The following TRAPPC8 variants were observed in gnomAD, a reference collection of about 807,000 sequenced individuals.
TRAPPC8 encodes general sporulation gene 1 homolog.
TRAPPC8 carries 54 observed loss-of-function variants against 174.3 expected under a neutral mutation model. The ratio of observed to expected loss-of-function variants is 0.31; its 90% CI spans 0.25 to 0.39. The LOEUF (loss-of-function observed/expected upper bound fraction) is 0.39. TRAPPC8 is among the 10% of genes least tolerant of loss of function. The pLI is 1.00. For missense variants in TRAPPC8, 1,531 were observed against 1,699.1 expected, an observed-to-expected ratio of 0.90 and a Z score of 1.74; for synonymous variants, 630 against 579.9, an observed-to-expected ratio of 1.09 and a Z score of -1.24.
intron 1 of TRAPPC8, chr18:31,939,310 C>T (rs1431105500): frequency 6.6e-5 from 10 of 152,268 alleles, no homozygotes; most frequent in Non-Finnish European, 1.5e-5. Context: ...ATAAACCACA[C>T]AACTCACTAA....
Position 31,885,383 on chromosome 18 carries a change from C to T in TRAPPC8, c.1728+5352G>A, listed in dbSNP as rs76734163. Among the ~76,000 whole-genome samples, 533 of 152,134 alleles carry T rather than the reference C, an allele frequency of 3.5e-3. 4 individuals are homozygous for T. Among genetic ancestry groups the T allele is most frequent in the African/African-American group, 0.012 (509 of 41,518 alleles). ...CGAGTGTTTAAGTCATGAAGTCAAA[C>T]GATCCTTTGACTAAAAAAGGATAAA... On this transcript the variant is annotated intron_variant, in intron 12 of 28. Transcript: ENST00000283351.
In TRAPPC8 at chr18:31,857,540, C is replaced by T. The variant is rs1024218129; in HGVS notation, c.3188G>A (p.Arg1063Gln). The change falls in exon 20 of 29, where the codon CGG becomes CAG. Residue 1063 changes from arginine (R) to glutamine (Q), a missense_variant and splice_region_variant. Physicochemically the swap from Arg to Gln is conservative, Grantham distance 43. Coordinates refer to ENST00000283351, the MANE Select transcript of TRAPPC8 (RefSeq NM_014939.5). ...ATTTTATAAGTTTTATAATACTAAC[C>T]GTATTTTTGGCTGCTTTTTGACACT... ...YESVKKQPKI[R>Q]HRILRHTAII... is the part of the protein sequence containing the mutation. 1.9e-6 allele frequency: 3 copies of T among 1,579,302 alleles called. No homozygotes were observed. Among genetic ancestry groups the T allele is most frequent in the Admixed American group, 1.8e-5 (1 of 54,350 alleles).
chr18:31,871,219 TATAC>T, intron 14 of TRAPPC8, 99 bp from the exon 15 acceptor site: 1 of 571,646 alleles, frequency 1.7e-6, no homozygotes, highest in Non-Finnish European at 2.8e-6. Flanking sequence ...AATATATATA[TATAC>T]ATTCACTCTT....
At chr18:31,846,882 A>C in intron 25 of TRAPPC8, 65 bp from the exon 26 acceptor site, 4 of 1,138,494 alleles carry the variant, frequency 3.5e-6, no homozygotes, top group Non-Finnish European at 5.1e-6. Flanking sequence ...AACCAACCCA[A>C]TACTTGATAG....
rs151197982 is a variant in TRAPPC8, at chr18:31,888,639, C to T, written c.1728+2096G>A. Among the ~76,000 whole-genome samples, 820 of 152,278 alleles carry T rather than the reference C, an allele frequency of 5.4e-3. 5 individuals carry two copies. The highest frequency in any genetic ancestry group is 0.019 in the African/African-American group (779 of 41,552). Reference sequence around the variant, plus strand: ...GCAGGGACATGGAGGAAGCTGGAAGCCATTATCCTCAGCAAACTAACACAG... The same window carrying T: ...GCAGGGACATGGAGGAAGCTGGAAGTCATTATCCTCAGCAAACTAACACAG... On this transcript the variant is annotated intron_variant, in intron 12 of 28. Transcript: ENST00000283351.
intron 28 of TRAPPC8, among the ~76,000 whole-genome samples, chr18:31,831,526 G>C (rs1042323885): frequency 7.9e-5 from 12 of 152,120 alleles, no homozygotes; most frequent in African/African-American, 2.9e-4. Context: ...AATGCCCTAA[G>C]AGTTAGTATA....
Position 31,881,955 on chromosome 18 carries a change from G to A in TRAPPC8, c.1729-7251C>T, listed in dbSNP as rs192589934. On this transcript the variant is annotated intron_variant, in intron 12 of 28. Transcript: ENST00000283351. ...TACCATCTCATACCAGTTTAGAATG[G>A]CTATTTTAAAAGGCTATGGAGAAAA... Among the ~76,000 whole-genome samples the A allele has an allele frequency of 2.2e-4, 33 of 152,196 alleles. 2 individuals are homozygous for A. The highest frequency in any genetic ancestry group is 1.7e-3 in the South Asian group (8 of 4,826).
chr18:31,926,115 T>C (rs1213218368), intron 2 of TRAPPC8, among the ~76,000 whole-genome samples: 2 of 152,220 alleles, frequency 1.3e-5, no homozygotes, highest in Non-Finnish European at 2.9e-5. Context: ...TCCCAGCTTT[T>C]ATTTCATTAT....
At chr18:31,898,621 T>TA (rs1413984265) in intron 10 of TRAPPC8, among the ~76,000 whole-genome samples, 7 of 152,252 alleles carry the variant, frequency 4.6e-5, no homozygotes, top group Non-Finnish European at 1.0e-4. Context: ...TTCCCCCTGG[T>TA]AGTACCATTA....
chr18:31,901,008 A>G lies in TRAPPC8; in HGVS notation c.1407T>C (p.Ser469=), dbSNP rs181551130. Residue 469 remains serine (S), a synonymous_variant, in exon 10 of 29, where the codon TCT becomes TCC. Coordinates refer to ENST00000283351, the MANE Select transcript of TRAPPC8 (RefSeq NM_014939.5). The part of the protein sequence containing the change: ...AAGALEMAAV[S]AFLQPGAPRP... ...TAGGTGCTCCTGGTTGAAGAAAAGC[A>G]GACACTGCTGCCATTTCCTAAAATA... 34 of 1,588,534 alleles carry G rather than the reference A, an allele frequency of 2.1e-5. No individual in the cohort carries two copies. Among genetic ancestry groups the G allele is most frequent in the Non-Finnish European group, 2.8e-5 (33 of 1,173,144 alleles).
At chr18:31,941,888 G>C (rs1184045634) in intron 1 of TRAPPC8, among the ~76,000 whole-genome samples, 1 of 152,064 alleles carries the variant, frequency 6.6e-6, no homozygotes, top group East Asian at 1.9e-4. Flanking sequence ...GGAGAAAACG[G>C]GTAGCTTCTT....
At chr18:31,916,846 CAAAAAA>C (rs5823825) in intron 3 of TRAPPC8, among the ~76,000 whole-genome samples, 1 of 126,908 alleles carries the variant, frequency 7.9e-6, no homozygotes, top group Non-Finnish European at 1.6e-5. Flanking sequence ...ATTTTCACAG[CAAAAAA>C]AAAAAAAAAA....
intron 11 of TRAPPC8, among the ~76,000 whole-genome samples, chr18:31,896,836 C>G (rs931041039): frequency 6.6e-6 from 1 of 152,168 alleles, no homozygotes; most frequent in African/African-American, 2.4e-5. Flanking sequence ...GTTGGCCAGG[C>G]TGGTCTCAAA....
intron 2 of TRAPPC8, chr18:31,926,734 AG>A (rs1409260978): frequency 6.6e-6 from 1 of 152,202 alleles, no homozygotes; most frequent in Non-Finnish European, 1.5e-5. Context: ...GTTTTTAAAA[AG>A]ACAATTACTA....
chr18:31,845,688 A>G (rs1268614307), intron 26 of TRAPPC8, among the ~76,000 whole-genome samples: 1 of 152,210 alleles, frequency 6.6e-6, no homozygotes, highest in Non-Finnish European at 1.5e-5. Context: ...CTTTTACACT[A>G]TTCTTGAAAG....
Position 31,880,081 on chromosome 18 carries a change from G to GAA in TRAPPC8, c.1729-5379_1729-5378dup, listed in dbSNP as rs749972515. 7.0e-3 allele frequency among the ~76,000 whole-genome samples: 369 copies of GAA among 52,674 alleles called. 7 individuals carry two copies. Among genetic ancestry groups the GAA allele is most frequent in the South Asian group, 0.02 (20 of 992 alleles). 34.6% of individuals were successfully genotyped at this position (52,674 alleles called of 152,430 possible). A position where few individuals can be genotyped will look rare whatever the true frequency, so the allele number is the denominator to read the frequency against. ...TGGTACCAATTTTACTGAAACTATT[G>GAA]AAAAAAAAAATATATATATATATAT... is the stretch of plus-strand genomic sequence containing the variant. On this transcript the variant is annotated intron_variant, in intron 12 of 28. Transcript: ENST00000283351.
chr18:31,886,345 GAAA>G (rs397858057), intron 12 of TRAPPC8, among the ~76,000 whole-genome samples: 745 of 23,732 alleles, frequency 0.031, 4 homozygotes, highest in African/African-American at 0.12. Context: ...GTTTCTTGAG[GAAA>G]AAAAAAAAAA....
At chr18:31,919,415 C>T (rs2145558032) in intron 2 of TRAPPC8, among the ~76,000 whole-genome samples, 1 of 151,638 alleles carries the variant, frequency 6.6e-6, no homozygotes, top group East Asian at 1.9e-4. Context: ...CTTGTGCAAT[C>T]CCAGCTATTC....
intron 27 of TRAPPC8, among the ~76,000 whole-genome samples, chr18:31,834,106 TG>T (rs1295605703): frequency 1.3e-5 from 2 of 151,418 alleles, no homozygotes; most frequent in South Asian, 2.1e-4. Flanking sequence ...TTGTTGTTGT[TG>T]TTGTTGTTTT....
Sources: gnomAD v4.1 joint callset for allele counts (sites outside exome capture counted in the v4.1 genomes callset) on GRCh38, gnomAD v4.1.1 for gene constraint, MANE v1.5 for transcripts, NCBI Gene and HGNC (gene_info 2026-07-23, HGNC 2026-07-21) for gene names.